The following DVL2 variants were observed in gnomAD, a reference collection of about 807,000 sequenced individuals.
The protein encoded by DVL2 is segment polarity protein dishevelled homolog DVL-2.
Under a neutral mutation model 69.8 loss-of-function variants are expected in DVL2, and 38 were observed. That is an observed-to-expected ratio of 0.54 (90% CI 0.42 to 0.71). DVL2 has a LOEUF of 0.71. Among genes scored for constraint, DVL2 ranks in the 30% least tolerant of loss-of-function variants. DVL2 has a pLI of 0.00. For missense variants in DVL2, 931 were observed against 1,008.1 expected (o/e 0.92, Z 1.04); for synonymous variants, 428 against 392.4 (o/e 1.09, Z -1.07).
chr17:7,227,907 ACAGGCCCGGCCC>A (rs1381415560), intron 10 of DVL2, 58 bp downstream of exon 10: 3 of 1,568,628 alleles, frequency 1.9e-6, no homozygotes, highest in Admixed American at 1.8e-5. Flanking sequence ...CCCCATGACC[ACAGGCCCGGCCC>A]CAGCCTCCTG....
At position 7,225,698 on chromosome 17, in the gene DVL2, G is replaced by A. The variant is rs901135693; in HGVS notation, c.*167C>T. The stretch of plus-strand genomic sequence containing the variant: ...CAAAGGTCCCTTGTCTACCCCTGAG[G>A]GAAGGGGGAGGAACCAGGCACTGCT... On this transcript the variant is annotated 3_prime_UTR_variant, in exon 15 of 15. Coordinates refer to ENST00000005340, the MANE Select transcript of DVL2 (RefSeq NM_004422.3). The A allele has an allele frequency of 1.6e-6, 1 of 643,684 alleles. No individual in the cohort carries two copies. Among genetic ancestry groups the A allele is most frequent in the Non-Finnish European group, 2.7e-6 (1 of 366,084 alleles). 39.9% of individuals were successfully genotyped at this position (643,684 alleles called of 1,614,324 possible). A position where few individuals can be genotyped will look rare whatever the true frequency, so the allele number is the denominator to read the frequency against.
chr17:7,234,302 A>G lies in DVL2; in HGVS notation c.-40T>C. On this transcript the variant is annotated 5_prime_UTR_variant, in exon 1 of 15. Transcript: ENST00000005340. ...GCTCCCGGGCTCCACCGCCCACCCA[A>G]AGGGCTAATGGCCCCTGCCGCGCCT... The G allele has an allele frequency of 6.3e-7, 1 of 1,589,244 alleles. No individual in the cohort carries two copies. Among genetic ancestry groups the G allele is most frequent in the East Asian group, 2.2e-5 (1 of 44,742 alleles).
At position 7,229,861 on chromosome 17, in the gene DVL2, G is replaced by A. The variant is rs369164396; in HGVS notation, c.603C>T (p.Ser201=). The change falls in exon 5 of 15, where the codon AGC becomes AGT. Residue 201 remains serine (S), a synonymous_variant. Transcript: ENST00000005340. The surrounding 1 kb of genome is among the most constrained non-coding windows in gnomAD (Gnocchi z 4.4). ...GYESSSTLMT[S]ELESTSLGDS... Reference sequence around the variant, plus strand: ...CCCCCAGGCTGGTACTCTCCAGCTCGCTGGTCATGAGGGTAGAGGAGCTCT... The same window carrying A: ...CCCCCAGGCTGGTACTCTCCAGCTCACTGGTCATGAGGGTAGAGGAGCTCT... The A allele has an allele frequency of 1.9e-5, 31 of 1,611,916 alleles. No individual in the cohort carries two copies. The highest frequency in any genetic ancestry group is 6.7e-5 in the East Asian group (3 of 44,874).
At position 7,229,858 on chromosome 17, in the gene DVL2, C is replaced by G; in HGVS notation, c.606G>C (p.Glu202Asp). The G allele has an allele frequency of 6.2e-7, 1 of 1,612,162 alleles. No homozygotes were observed. Among genetic ancestry groups the G allele is most frequent in the East Asian group, 2.2e-5 (1 of 44,884 alleles). Reference protein sequence around the residue: ...YESSSTLMTSELESTSLGDSD... With the variant: ...YESSSTLMTSDLESTSLGDSD... ...AGTCCCCCAGGCTGGTACTCTCCAG[C>G]TCGCTGGTCATGAGGGTAGAGGAGC... The change falls in exon 5 of 15, where the codon GAG (glutamate) becomes GAC (aspartate). Residue 202 changes from glutamate to aspartate, a missense_variant. Glu to Asp is a conservative substitution (Grantham distance 45, BLOSUM62 2). Transcript: ENST00000005340. The surrounding 1 kb of genome is among the most constrained non-coding windows in gnomAD (Gnocchi z 4.4).
chr17:7,225,796 A>G lies in DVL2; in HGVS notation c.*69T>C. On this transcript the variant is annotated 3_prime_UTR_variant, in exon 15 of 15. Coordinates refer to ENST00000005340, the MANE Select transcript of DVL2 (RefSeq NM_004422.3). ...GGCTGAGCCCAGGCACTGTAAGAGC[A>G]AGCACATGACGGCCAGGACACCCAG... 7.2e-7 allele frequency: 1 copy of G among 1,384,734 alleles called. No homozygotes were observed. Among genetic ancestry groups the G allele is most frequent in the East Asian group, 2.3e-5 (1 of 43,848 alleles). 85.8% of individuals were successfully genotyped at this position (1,384,734 alleles called of 1,614,324 possible). A position where few individuals can be genotyped will look rare whatever the true frequency, so the allele number is the denominator to read the frequency against.
chr17:7,228,598 T>C (rs2071493995), intron 9 of DVL2: 1 of 215,252 alleles, frequency 4.6e-6, no homozygotes, highest in Non-Finnish European at 9.4e-6. Context: ...TTTTTTTTTT[T>C]GAGACGGAGT....
chr17:7,226,979 CT>C, intron 13 of DVL2, 110 bp downstream of exon 13: 1 of 1,115,550 alleles, frequency 9.0e-7, no homozygotes, highest in Non-Finnish European at 1.3e-6. Context: ...ACACACACTG[CT>C]CGACCATCCA....
rs892335563 is a variant in DVL2 at position 7,230,274 on chromosome 17, G to C, written c.410+11C>G. Reference sequence around the variant, plus strand: ...CTCCCTCCCCTGCAGTCAAGAATCTGAAGGACTCACTGGAAGGATGGAGGC... The same window carrying C: ...CTCCCTCCCCTGCAGTCAAGAATCTCAAGGACTCACTGGAAGGATGGAGGC... On this transcript the variant is annotated intron_variant, in intron 3 of 14. Coordinates refer to ENST00000005340, the MANE Select transcript of DVL2 (RefSeq NM_004422.3). 1 of 1,614,062 alleles carries C rather than the reference G, an allele frequency of 6.2e-7. No homozygotes were observed. The highest frequency in any genetic ancestry group is 8.5e-7 in the Non-Finnish European group (1 of 1,179,992).
At chr17:7,233,130 G>C (rs1478765797) in intron 1 of DVL2, among the ~76,000 whole-genome samples, 2 of 146,140 alleles carry the variant, frequency 1.4e-5, no homozygotes, top group African/African-American at 2.5e-5. Flanking sequence ...GACCCAGAAG[G>C]CTCAGCCCCA....
chr17:7,230,312 A>T lies in DVL2; in HGVS notation c.383T>A (p.Ile128Asn). 1 of 1,614,010 alleles carries T rather than the reference A, an allele frequency of 6.2e-7. No individual in the cohort carries two copies. The highest frequency in any genetic ancestry group is 8.5e-7 in the Non-Finnish European group (1 of 1,179,982). ...GAAGGATGGAGGCCTTGAGTCCCCA[A>T]TGCCGCTGGTCCTCTCGGGTGGCAA... The part of the protein sequence containing the change: ...PPLPPERTSG[I>N]GDSRPPSFHP... Residue 128 changes from isoleucine (I) to asparagine (N), a missense_variant, in exon 3 of 15, where the codon ATT (isoleucine) becomes AAT (asparagine). Ile to Asn is a moderately radical substitution (Grantham distance 149). Coordinates refer to ENST00000005340, the MANE Select transcript of DVL2 (RefSeq NM_004422.3).
chr17:7,231,861 GAA>G (rs35734517), intron 1 of DVL2, among the ~76,000 whole-genome samples: 1 of 50,216 alleles, frequency 2.0e-5, no homozygotes, highest in Non-Finnish European at 4.1e-5. Flanking sequence ...CTCCACCTCA[GAA>G]AAAAAAAAAA....
chr17:7,227,922 G>A, intron 10 of DVL2, 55 bp downstream of exon 10: 2 of 1,573,052 alleles, frequency 1.3e-6, no homozygotes, highest in South Asian at 2.4e-5. Context: ...CCCGGCCCCA[G>A]CCTCCTGGGC....
chr17:7,225,526 G>A lies in DVL2; in HGVS notation c.*339C>T. Reference sequence around the variant, plus strand: ...GCAGGGCTGTGGGTAACTGGAGGAGGAGGTCACATTCTGGGGTTAGAAGGG... The same window carrying A: ...GCAGGGCTGTGGGTAACTGGAGGAGAAGGTCACATTCTGGGGTTAGAAGGG... On this transcript the variant is annotated 3_prime_UTR_variant, in exon 15 of 15. Coordinates refer to ENST00000005340, the MANE Select transcript of DVL2 (RefSeq NM_004422.3). The A allele has an allele frequency of 2.4e-6, 1 of 422,250 alleles. No individual in the cohort carries two copies. Among genetic ancestry groups the A allele is most frequent in the Non-Finnish European group, 4.3e-6 (1 of 232,560 alleles). 26.2% of individuals were successfully genotyped at this position (422,250 alleles called of 1,614,324 possible). A position where few individuals can be genotyped will look rare whatever the true frequency, so the allele number is the denominator to read the frequency against.
Position 7,227,754 on chromosome 17 carries a change from C to T in DVL2, c.1132G>A (p.Ala378Thr), listed in dbSNP as rs745911254. ...AGAGCCGCGGAATGGGACACCCAGG[C>T]AGCAGGGTCAATTGGCTGGATGGGC... ...NEPIQPIDPA[A>T]WVSHSAALTG... Residue 378 changes from alanine to threonine, a missense_variant, in exon 11 of 15, where the codon GCC (alanine) becomes ACC (threonine). By Grantham distance (58) the Ala-to-Thr change is moderately conservative. Transcript: ENST00000005340. 2.5e-6 allele frequency: 4 copies of T among 1,589,360 alleles called. No homozygotes were observed. Among genetic ancestry groups the T allele is most frequent in the Admixed American group, 3.6e-5 (2 of 55,700 alleles).
intron 1 of DVL2, among the ~76,000 whole-genome samples, chr17:7,232,761 A>G (rs766299762): frequency 2.0e-5 from 3 of 152,188 alleles, no homozygotes; most frequent in Non-Finnish European, 4.4e-5. Flanking sequence ...TCTAAAACCC[A>G]TGCTATCCCA....
At chr17:7,232,111 C>G (rs1011370056) in intron 1 of DVL2, among the ~76,000 whole-genome samples, 2 of 152,182 alleles carry the variant, frequency 1.3e-5, no homozygotes, top group African/African-American at 4.8e-5. Context: ...GACATCAAAC[C>G]ATGAACACTT....
Position 7,226,991 on chromosome 17 carries a change from T to C in DVL2, c.1543+99A>G, listed in dbSNP as rs545215077. 1.4e-4 allele frequency: 170 copies of C among 1,233,608 alleles called. 2 individuals are homozygous for C. The African/African-American group carries it at 2.3e-3, about 16-fold the overall frequency. The allele number at this position is 1,233,608 out of a possible 1,614,324, so 76.4% of individuals were successfully genotyped here. A position where few individuals can be genotyped will look rare whatever the true frequency, so the allele number is the denominator to read the frequency against. ...GGGACACACACTGCTCGACCATCCA[T>C]GGTGGCCCTGGCTGCGGTTTCTGGG... is the stretch of plus-strand genomic sequence containing the variant. On this transcript the variant is annotated intron_variant, in intron 13 of 14. Coordinates refer to ENST00000005340, the MANE Select transcript of DVL2 (RefSeq NM_004422.3).
rs767403206 is a variant in DVL2, at chr17:7,227,735, G to A, written c.1151C>T (p.Ala384Val). 21 of 1,602,326 alleles carry A rather than the reference G, an allele frequency of 1.3e-5. No homozygotes were observed. The highest frequency in any genetic ancestry group is 8.9e-5 in the South Asian group (8 of 89,534). Residue 384 changes from alanine to valine, a missense_variant, in exon 11 of 15, where the codon GCG (alanine) becomes GTG (valine). Transcript: ENST00000005340. The part of the protein sequence containing the change: ...IDPAAWVSHS[A>V]ALTGTFPAYP... ...GGCTGGGAAGGTGCCAGTCAGAGCCGCGGAATGGGACACCCAGGCAGCAGG... is the reference window on the plus strand; with the variant it reads ...GGCTGGGAAGGTGCCAGTCAGAGCCACGGAATGGGACACCCAGGCAGCAGG...
In DVL2 at chr17:7,230,143, G is replaced by C. The variant is rs2071520471; in HGVS notation, c.423C>G (p.Ser141=). Residue 141 remains serine, a synonymous_variant, in exon 4 of 15, where the codon TCC becomes TCG. Transcript: ENST00000005340. ...SRPPSFHPNV[S]SSHENLEPET... is the part of the protein sequence containing the mutation. Reference sequence around the variant, plus strand: ...CAGGCTCCAGATTCTCATGGCTGCTGGACACATTAGGGCTGGACAGGCAGA... The same window carrying C: ...CAGGCTCCAGATTCTCATGGCTGCTCGACACATTAGGGCTGGACAGGCAGA... 5 of 1,613,944 alleles carry C rather than the reference G, an allele frequency of 3.1e-6. No individual in the cohort carries two copies. The highest frequency in any genetic ancestry group is 4.2e-6 in the Non-Finnish European group (5 of 1,179,984).
Sources: allele counts gnomAD v4.1 joint callset (sites outside exome capture counted in the v4.1 genomes callset), GRCh38; gene constraint gnomAD v4.1.1; non-coding constraint Gnocchi (gnomAD v3.1); transcripts MANE v1.5; gene names NCBI Gene and HGNC (gene_info 2026-07-23, HGNC 2026-07-21).